Variants in HYCC1 observed in about 807,000 individuals in gnomAD.
HYCC1 encodes hyccin PI4KA lipid kinase complex subunit 1.
At chr7:22,982,701 T>C in the HYCC1 span, among the ~76,000 whole-genome samples, 1 of 152,144 alleles carries the variant, frequency 6.6e-6, no homozygotes, top group Admixed American at 6.5e-5. Context: ...TGTCATAGCT[T>C]CCTAGTCTTC....
the HYCC1 span, among the ~76,000 whole-genome samples, chr7:22,968,145 C>G: frequency 7.2e-5 from 11 of 152,240 alleles, no homozygotes; most frequent in African/African-American, 2.4e-5. Flanking sequence ...GAATGCCAGC[C>G]GCTCCACTAC....
At chr7:22,997,820 A>T in the HYCC1 span, among the ~76,000 whole-genome samples, 89 of 152,316 alleles carry the variant, frequency 5.8e-4, no homozygotes, top group African/African-American at 2.1e-3. Context: ...CCCAAAAATC[A>T]CAAAACAAGT....
the HYCC1 span, among the ~76,000 whole-genome samples, chr7:23,007,985 T>C: frequency 6.6e-6 from 1 of 152,224 alleles, no homozygotes; most frequent in East Asian, 1.9e-4. Context: ...CCTAAAGGCA[T>C]TTCCATTTAA....
the HYCC1 span, among the ~76,000 whole-genome samples, chr7:22,983,128 G>A: frequency 6.6e-6 from 1 of 151,744 alleles, no homozygotes; most frequent in Non-Finnish European, 1.5e-5. Context: ...CAGGAGTTCG[G>A]GACCAGCCTG....
chr7:22,938,239 C>G, the HYCC1 span: 1 of 152,194 alleles, frequency 6.6e-6, no homozygotes, highest in Admixed American at 6.5e-5. Context: ...TGAAGCCCTG[C>G]TCACCTGGGC....
chr7:22,952,269 G>A, the HYCC1 span, among the ~76,000 whole-genome samples: 1 of 151,954 alleles, frequency 6.6e-6, no homozygotes, highest in East Asian at 1.9e-4. Context: ...GGTAATAGGG[G>A]ATAAAAGTAC....
chr7:22,989,467 C>T, the HYCC1 span, among the ~76,000 whole-genome samples: 207 of 152,266 alleles, frequency 1.4e-3, no homozygotes, highest in African/African-American at 4.7e-3. Context: ...CCCAACTCAG[C>T]CTCCCAAGTA....
At chr7:22,914,639 G>C in the HYCC1 span, among the ~76,000 whole-genome samples, 1 of 152,018 alleles carries the variant, frequency 6.6e-6, no homozygotes, top group African/African-American at 2.4e-5. Context: ...TTTACACATT[G>C]GTCCCTCCCT....
At chr7:22,996,748 G>A in the HYCC1 span, among the ~76,000 whole-genome samples, 1 of 151,958 alleles carries the variant, frequency 6.6e-6, no homozygotes, top group African/African-American at 2.4e-5. Context: ...CTCTCTACCA[G>A]CAAGCAGCAA....
At chr7:22,984,445 C>T in the HYCC1 span, among the ~76,000 whole-genome samples, 8 of 152,216 alleles carry the variant, frequency 5.3e-5, no homozygotes, top group Admixed American at 1.3e-4. Context: ...ATAGGCCAGG[C>T]GCAGTGTCTC....
chr7:22,952,952 C>A, the HYCC1 span, among the ~76,000 whole-genome samples: 1 of 151,946 alleles, frequency 6.6e-6, no homozygotes, highest in South Asian at 2.1e-4. Context: ...TACAGAAAAA[C>A]AGTCTGGAAC....
At chr7:22,961,350 A>T in the HYCC1 span, 1 of 1,247,826 alleles carries the variant, frequency 8.0e-7, no homozygotes, top group East Asian at 2.4e-5. Flanking sequence ...TTAAATGAAG[A>T]AATTATAATT....
chr7:22,998,532 A>G, the HYCC1 span, among the ~76,000 whole-genome samples: 50,453 of 151,990 alleles, frequency 0.33, 8,452 homozygotes, highest in East Asian at 0.36. Flanking sequence ...TGTATTAGTA[A>G]CTACAGGCAA....
At chr7:23,002,954 C>T in the HYCC1 span, among the ~76,000 whole-genome samples, 1 of 152,168 alleles carries the variant, frequency 6.6e-6, no homozygotes. Flanking sequence ...TATGTCTTCA[C>T]ATTGTCCTCC....
the HYCC1 span, among the ~76,000 whole-genome samples, chr7:22,968,417 A>C: frequency 6.6e-6 from 1 of 152,210 alleles, no homozygotes; most frequent in African/African-American, 2.4e-5. Flanking sequence ...AGACAGAAGC[A>C]ACTTGAACAC....
the HYCC1 span, among the ~76,000 whole-genome samples, chr7:22,914,896 G>A: frequency 5.3e-3 from 807 of 152,018 alleles, 10 homozygotes; most frequent in African/African-American, 0.019. Context: ...TTATAATTTC[G>A]TTCCGTGACT....
the HYCC1 span, among the ~76,000 whole-genome samples, chr7:22,981,943 T>C: frequency 6.6e-6 from 1 of 152,218 alleles, no homozygotes; most frequent in African/African-American, 2.4e-5. Flanking sequence ...ATTAGAGCTA[T>C]ATTCACTAGA....
At chr7:22,950,673 G>A in the HYCC1 span, among the ~76,000 whole-genome samples, 1 of 151,884 alleles carries the variant, frequency 6.6e-6, no homozygotes, top group Non-Finnish European at 1.5e-5. Context: ...TGTAGGTTTA[G>A]CAAGATGCTT....
chr7:22,898,852 C>T, the HYCC1 span, among the ~76,000 whole-genome samples: 3 of 151,490 alleles, frequency 2.0e-5, no homozygotes, highest in Non-Finnish European at 4.4e-5. Flanking sequence ...CTGCCCGCCT[C>T]GGCCTCCCAA....
Sources: gnomAD v4.1 joint callset for allele counts (sites outside exome capture counted in the v4.1 genomes callset) on GRCh38, gnomAD v4.1.1 for gene constraint, MANE v1.5 for transcripts, NCBI Gene and HGNC (gene_info 2026-07-23, HGNC 2026-07-21) for gene names.